RICTOR: variants seen among roughly 807,000 people sequenced by gnomAD.
RICTOR encodes the protein rapamycin-insensitive companion of mTOR.
In RICTOR, 49 loss-of-function variants were observed where a neutral mutation model predicts 214.9. That is an observed-to-expected ratio of 0.23 (90% CI 0.18 to 0.29). The LOEUF is 0.29. Ranked by LOEUF, RICTOR falls within the 10% of genes least tolerant of loss-of-function variation. The pLI is 1.00. For synonymous variants in RICTOR, 717 were observed against 711.3 expected (o/e 1.01, Z -0.13); for missense variants, 1,625 against 2,047.0 (o/e 0.79, Z 3.98).
chr5:39,011,859 C>T (rs967756781), intron 3 of RICTOR, among the ~76,000 whole-genome samples: 1 of 152,148 alleles, frequency 6.6e-6, no homozygotes, highest in Admixed American at 6.5e-5. Flanking sequence ...TTTACAGGCT[C>T]ATAGGCGGAA....
At chr5:39,035,586 C>T (rs1025471934) in intron 2 of RICTOR, among the ~76,000 whole-genome samples, 6 of 152,192 alleles carry the variant, frequency 3.9e-5, no homozygotes, top group South Asian at 2.1e-4. Context: ...AAAAATTAGA[C>T]GAATGGCTAA....
At chr5:38,990,626 T>TATATATGATATATATCAGATATATG (rs1329089802) in intron 7 of RICTOR, among the ~76,000 whole-genome samples, 26 of 90,086 alleles carry the variant, frequency 2.9e-4, no homozygotes, top group African/African-American at 3.7e-4. Flanking sequence ...CGATATATGA[T>TATATATGATATATATCAGATATATG]ATATATATCT....
At chr5:38,961,062 G>A (rs1421000969) in intron 19 of RICTOR, among the ~76,000 whole-genome samples, 1 of 151,766 alleles carries the variant, frequency 6.6e-6, no homozygotes, top group Non-Finnish European at 1.5e-5. Context: ...CTCAGGCAGT[G>A]ATTTATAGCA....
At chr5:39,058,002 A>C (rs1032500190) in intron 2 of RICTOR, among the ~76,000 whole-genome samples, 5 of 152,004 alleles carry the variant, frequency 3.3e-5, no homozygotes, top group South Asian at 2.1e-4. Context: ...AATAAGTAAA[A>C]ATTTTCTTTA....
intron 3 of RICTOR, among the ~76,000 whole-genome samples, chr5:39,013,768 A>C (rs1754727593): frequency 6.6e-6 from 1 of 152,254 alleles, no homozygotes; most frequent in South Asian, 2.1e-4. Context: ...AAAGCATGCT[A>C]TGATATATTG....
At chr5:38,999,900 G>C (rs1296674032) in intron 5 of RICTOR, among the ~76,000 whole-genome samples, 1 of 151,630 alleles carries the variant, frequency 6.6e-6, no homozygotes, top group Non-Finnish European at 1.5e-5. Context: ...TAAATGTAAA[G>C]ACAAAAAAAG....
At chr5:38,995,158 AT>A (rs1487695894) in intron 6 of RICTOR, among the ~76,000 whole-genome samples, 14 of 152,328 alleles carry the variant, frequency 9.2e-5, no homozygotes, top group African/African-American at 3.1e-4. Context: ...AAATATAGTC[AT>A]TCCTAAGTGC....
At position 38,941,546 on chromosome 5, in the gene RICTOR, T is replaced by C. The variant is rs932638854; in HGVS notation, c.*758A>G. ...ATATGCATTCTATAAATGGGAAATA[T>C]TTTTAATTAAAATAAAAAATGATTT... On this transcript the variant is annotated 3_prime_UTR_variant, in exon 38 of 38. Coordinates refer to ENST00000357387, the MANE Select transcript of RICTOR (RefSeq NM_152756.5). The C allele has an allele frequency of 4.3e-6, 1 of 231,026 alleles. No individual in the cohort carries two copies. The highest frequency in any genetic ancestry group is 2.2e-5 in the African/African-American group (1 of 45,222). 14.3% of individuals were successfully genotyped at this position (231,026 alleles called of 1,614,324 possible).
rs985134108 is a variant in RICTOR at position 38,980,582 on chromosome 5, T to C, written c.753+1285A>G. 2.0e-5 allele frequency among the ~76,000 whole-genome samples: 3 copies of C among 152,264 alleles called. No homozygotes were observed. The South Asian group carries it at 6.2e-4, about 32-fold the overall frequency. On this transcript the variant is annotated intron_variant, in intron 8 of 37. Coordinates refer to ENST00000357387, the MANE Select transcript of RICTOR (RefSeq NM_152756.5). ...TCAGCTGGCTGGGCATAGTGGCTCA[T>C]ACCTGTAAGCCCAGCAGTTTGGGAG... is the stretch of plus-strand genomic sequence containing the variant.
chr5:38,944,109 C>T, intron 36 of RICTOR: 1 of 404,380 alleles, frequency 2.5e-6, no homozygotes, highest in Non-Finnish European at 4.8e-6. Flanking sequence ...AAAATAAATC[C>T]ATTACATGTT....
chr5:38,940,956 C>T lies in RICTOR; in HGVS notation c.*1348G>A, dbSNP rs898527912. On this transcript the variant is annotated 3_prime_UTR_variant, in exon 38 of 38. Transcript: ENST00000357387. ...ATACACAAATGAATTAAAAAAGAATCCTAATCAGTCCAGCTGGATTTTCTA... is the reference window on the plus strand; with the variant it reads ...ATACACAAATGAATTAAAAAAGAATTCTAATCAGTCCAGCTGGATTTTCTA... 4 of 232,434 alleles carry T rather than the reference C, an allele frequency of 1.7e-5. No homozygotes were observed. The highest frequency in any genetic ancestry group is 3.4e-5 in the Non-Finnish European group (4 of 117,520). The allele number at this position is 232,434 out of a possible 1,614,324, so 14.4% of individuals were successfully genotyped here.
At chr5:39,021,233 C>A in intron 2 of RICTOR, 97 bp from the exon 3 acceptor site, 1 of 759,756 alleles carries the variant, frequency 1.3e-6, no homozygotes, top group South Asian at 1.5e-5. Flanking sequence ...AACTTTGGCT[C>A]TTGGTTTAAA....
intron 2 of RICTOR, among the ~76,000 whole-genome samples, chr5:39,044,487 G>A (rs1757358782): frequency 6.6e-6 from 1 of 151,996 alleles, no homozygotes; most frequent in Non-Finnish European, 1.5e-5. Flanking sequence ...AATAATGATA[G>A]TTATAATATG....
At chr5:39,030,797 T>G (rs1756222614) in intron 2 of RICTOR, among the ~76,000 whole-genome samples, 1 of 152,116 alleles carries the variant, frequency 6.6e-6, no homozygotes, top group Admixed American at 6.5e-5. Context: ...TTGCTAACAG[T>G]ACTCAGGAGG....
rs1385262272 is a variant in RICTOR at position 38,939,715 on chromosome 5, T to C, written c.*2589A>G. On this transcript the variant is annotated 3_prime_UTR_variant, in exon 38 of 38. Coordinates refer to ENST00000357387, the MANE Select transcript of RICTOR (RefSeq NM_152756.5). ...AATAATTACCAATAGTACAAATTTA[T>C]ATGGACTAAGATTAATCCTAAAATC... The C allele has an allele frequency of 1.7e-5, 4 of 229,634 alleles. No individual in the cohort carries two copies. Among genetic ancestry groups the C allele is most frequent in the Non-Finnish European group, 3.5e-5 (4 of 115,940 alleles). The allele number at this position is 229,634 out of a possible 1,614,324, so 14.2% of individuals were successfully genotyped here.
intron 7 of RICTOR, among the ~76,000 whole-genome samples, chr5:38,988,527 T>C (rs1345751604): frequency 6.6e-6 from 1 of 152,224 alleles, no homozygotes; most frequent in Non-Finnish European, 1.5e-5. Context: ...ATGCTTCTTT[T>C]GCTTTCCACT....
intron 5 of RICTOR, among the ~76,000 whole-genome samples, chr5:39,000,848 G>C (rs1285042526): frequency 6.6e-6 from 1 of 151,880 alleles, no homozygotes; most frequent in Admixed American, 6.6e-5. Flanking sequence ...AGCAAAAACA[G>C]AAAAGAATGT....
intron 17 of RICTOR, 98 bp from the exon 18 acceptor site, chr5:38,962,684 T>C: frequency 1.2e-6 from 1 of 821,838 alleles, no homozygotes; most frequent in South Asian, 1.9e-5. Context: ...AGCTTTTCCA[T>C]TTAAGGATAG....
intron 22 of RICTOR, 44 bp from the exon 23 acceptor site, chr5:38,958,875 C>T: frequency 1.6e-6 from 2 of 1,265,484 alleles, no homozygotes; most frequent in Non-Finnish European, 2.1e-6. Flanking sequence ...AAAACTTCAG[C>T]ATAAATAGCC....
Sources: allele counts gnomAD v4.1 joint callset (sites outside exome capture counted in the v4.1 genomes callset), GRCh38; gene constraint gnomAD v4.1.1; transcripts MANE v1.5; gene names NCBI Gene and HGNC (gene_info 2026-07-23, HGNC 2026-07-21).